Variants in PCDH15 observed in about 807,000 individuals in gnomAD.
PCDH15 encodes the protein protocadherin related 15.
PCDH15 carries 129 observed loss-of-function variants against 178.5 expected under a neutral mutation model. The observed-to-expected ratio is 0.72, with a 90% CI of 0.63 to 0.84. PCDH15 has a LOEUF of 0.84. PCDH15 is among the 40% of genes least tolerant of loss of function. The pLI, the probability that PCDH15 is intolerant of heterozygous loss-of-function variation, is 0.00. For missense variants in PCDH15, 2,230 were observed against 2,099.9 expected, an observed-to-expected ratio of 1.06 and a Z score of -1.21; for synonymous variants, 800 against 732.0, an observed-to-expected ratio of 1.09 and a Z score of -1.50.
At chr10:54,008,719 C>CT (rs11285680) in intron 20 of PCDH15, among the ~76,000 whole-genome samples, 1 of 151,844 alleles carries the variant, frequency 6.6e-6, no homozygotes, top group East Asian at 1.9e-4. Flanking sequence ...AATAGCAAGT[C>CT]TTTTTTTTCT....
At chr10:54,275,200 T>A (rs201759993) in intron 8 of PCDH15, among the ~76,000 whole-genome samples, 3,924 of 128,816 alleles carry the variant, frequency 0.03, 63 homozygotes, top group Non-Finnish European at 0.052. Context: ...AGGAAAAAAA[T>A]ATATATATAC....
At chr10:54,797,753 T>C (rs1184460681) in intron 1 of PCDH15, among the ~76,000 whole-genome samples, 1 of 152,104 alleles carries the variant, frequency 6.6e-6, no homozygotes, top group East Asian at 1.9e-4. Context: ...CAGAATATGA[T>C]GTTTCTATGC....
At chr10:53,897,359 A>C (rs1448879546) in intron 26 of PCDH15, among the ~76,000 whole-genome samples, 1 of 152,240 alleles carries the variant, frequency 6.6e-6, no homozygotes, top group Non-Finnish European at 1.5e-5. Flanking sequence ...CTGAATTTGA[A>C]CATAAGCTTC....
chr10:53,932,005 A>G (rs1473533223), intron 25 of PCDH15, among the ~76,000 whole-genome samples: 1 of 152,180 alleles, frequency 6.6e-6, no homozygotes, highest in Non-Finnish European at 1.5e-5. Flanking sequence ...AAGGCATGTA[A>G]GGTAGGTAGC....
chr10:54,184,519 C>T (rs551405662), intron 12 of PCDH15, among the ~76,000 whole-genome samples: 1 of 151,896 alleles, frequency 6.6e-6, no homozygotes, highest in Non-Finnish European at 1.5e-5. Flanking sequence ...ACTTTAATAA[C>T]CTTTACTTTT....
intron 2 of PCDH15, among the ~76,000 whole-genome samples, chr10:55,135,741 C>T (rs1199005451): frequency 6.6e-6 from 1 of 151,658 alleles, no homozygotes; most frequent in African/African-American, 2.4e-5. Context: ...CACCACCCTG[C>T]CTGGCTAATT....
chr10:55,474,145 T>C (rs1173565917), intron 2 of PCDH15, among the ~76,000 whole-genome samples: 3 of 152,138 alleles, frequency 2.0e-5, no homozygotes, highest in Admixed American at 6.5e-5. Flanking sequence ...CAAGATCAGA[T>C]GTGTGTGCAT....
At chr10:53,825,135 C>T in intron 32 of PCDH15, 1 of 1,541,250 alleles carries the variant, frequency 6.5e-7, no homozygotes, top group Non-Finnish European at 8.8e-7. Flanking sequence ...TATTTACTTA[C>T]TTATGCCTAT....
chr10:54,607,869 TC>T (rs757022861), intron 2 of PCDH15: 3 of 529,360 alleles, frequency 5.7e-6, no homozygotes, highest in African/African-American at 3.9e-5. Context: ...ACACTGCTAA[TC>T]AGGCTATTAG....
intron 1 of PCDH15, among the ~76,000 whole-genome samples, chr10:55,294,035 G>A (rs1384111645): frequency 2.0e-5 from 3 of 152,112 alleles, no homozygotes; most frequent in Non-Finnish European, 4.4e-5. Context: ...GAAGTTTAAT[G>A]GACTTAACAG....
chr10:54,592,629 G>A (rs1220353355), intron 2 of PCDH15, among the ~76,000 whole-genome samples: 1 of 152,022 alleles, frequency 6.6e-6, no homozygotes, highest in Non-Finnish European at 1.5e-5. Context: ...CCATACCATA[G>A]CTATTGTATA....
chr10:53,938,875 G>A lies in PCDH15; in HGVS notation c.3313C>T (p.Leu1105Phe), dbSNP rs1240526910. The A allele has an allele frequency of 1.2e-6, 2 of 1,613,562 alleles. No homozygotes were observed. The highest frequency in any genetic ancestry group is 1.7e-5 in the Admixed American group (1 of 59,984). ...TCCAGGGAATCAGCTTGGACTCGAAGTACATAGCTTGTCCTGGTCTCATAA... is the reference window on the plus strand; with the variant it reads ...TCCAGGGAATCAGCTTGGACTCGAAATACATAGCTTGTCCTGGTCTCATAA... ...LDYETRTSYV[L>F]RVQADSLEVV... Residue 1105 changes from leucine (L) to phenylalanine (F), a missense_variant, in exon 25 of 38, where the codon CTT (leucine) becomes TTT (phenylalanine). Coordinates refer to ENST00000644397, the MANE Select transcript of PCDH15 (RefSeq NM_001384140.1).
At chr10:53,939,603 A>G (rs1361751729) in intron 24 of PCDH15, among the ~76,000 whole-genome samples, 1 of 151,994 alleles carries the variant, frequency 6.6e-6, no homozygotes, top group Non-Finnish European at 1.5e-5. Flanking sequence ...TTATAATACT[A>G]TATATTTCTT....
chr10:55,540,340 T>A (rs1170057684), intron 2 of PCDH15, among the ~76,000 whole-genome samples: 2 of 152,022 alleles, frequency 1.3e-5, no homozygotes. Flanking sequence ...AGATGAAATA[T>A]CTCCATCTTA....
intron 2 of PCDH15, among the ~76,000 whole-genome samples, chr10:55,046,384 A>T (rs1409191499): frequency 6.6e-6 from 1 of 152,056 alleles, no homozygotes; most frequent in East Asian, 1.9e-4. Flanking sequence ...AATATAGATT[A>T]AAAAGGTAAT....
chr10:55,591,140 T>C (rs533536268), intron 2 of PCDH15, among the ~76,000 whole-genome samples: 1 of 152,068 alleles, frequency 6.6e-6, no homozygotes, highest in Non-Finnish European at 1.5e-5. Context: ...GCACTCTACA[T>C]ACATTGCTTC....
At chr10:55,194,821 T>TAA (rs75398850) in intron 1 of PCDH15, among the ~76,000 whole-genome samples, 1 of 145,602 alleles carries the variant, frequency 6.9e-6, no homozygotes, top group African/African-American at 2.5e-5. Flanking sequence ...AATTTAGAAG[T>TAA]AAAAAAAAAA....
intron 2 of PCDH15, among the ~76,000 whole-genome samples, chr10:54,975,170 C>A (rs1198822999): frequency 1.3e-5 from 2 of 152,128 alleles, no homozygotes; most frequent in African/African-American, 4.8e-5. Flanking sequence ...TCTGTTATCC[C>A]ATATCTTGAT....
intron 16 of PCDH15, among the ~76,000 whole-genome samples, chr10:54,085,473 A>C (rs17644196): frequency 0.2 from 30,509 of 152,124 alleles, 3,268 homozygotes; most frequent in Non-Finnish European, 0.25. Flanking sequence ...CATATTTATA[A>C]GGGAAGTTGC....
Sources: gnomAD v4.1 joint callset for allele counts (sites outside exome capture counted in the v4.1 genomes callset) on GRCh38, gnomAD v4.1.1 for gene constraint, MANE v1.5 for transcripts, NCBI Gene and HGNC (gene_info 2026-07-23, HGNC 2026-07-21) for gene names.